The following AUTS2 variants were observed in gnomAD, a reference collection of about 807,000 sequenced individuals.
The protein encoded by AUTS2 is activator of transcription and developmental regulator AUTS2.
AUTS2 carries 17 observed loss-of-function variants against 112.4 expected under a neutral mutation model. The observed-to-expected ratio is 0.15, with a 90% CI of 0.10 to 0.23. The LOEUF is 0.23. Ranked by LOEUF, AUTS2 falls within the 10% of genes least tolerant of loss-of-function variation. The probability of loss-of-function intolerance (pLI) is 1.00; values close to 1 mark genes in which losing one functional copy is unlikely to be tolerated. For missense variants in AUTS2, 1,510 were observed against 1,701.6 expected, an observed-to-expected ratio of 0.89 and a Z score of 1.98; for synonymous variants, 751 against 702.7, an observed-to-expected ratio of 1.07 and a Z score of -1.09.
chr7:69,872,752 C>G (rs1793554502), intron 1 of AUTS2, among the ~76,000 whole-genome samples: 1 of 150,458 alleles, frequency 6.6e-6, no homozygotes, highest in South Asian at 2.1e-4. Flanking sequence ...ATTAAAGTAG[C>G]AGGGAACCTT....
chr7:70,644,389 A>C (rs2129540870), intron 5 of AUTS2, among the ~76,000 whole-genome samples: 1 of 152,282 alleles, frequency 6.6e-6, no homozygotes, highest in East Asian at 1.9e-4. Context: ...AGGGAACTGC[A>C]CGTTCTTGTG....
chr7:70,439,458 G>C (rs1796031958), intron 5 of AUTS2, among the ~76,000 whole-genome samples: 2 of 148,926 alleles, frequency 1.3e-5, no homozygotes, highest in South Asian at 4.3e-4. Flanking sequence ...GGAATTGCTT[G>C]AACCCGGGAG....
At chr7:70,591,634 A>T (rs1051438128) in intron 5 of AUTS2, among the ~76,000 whole-genome samples, 8 of 152,086 alleles carry the variant, frequency 5.3e-5, no homozygotes, top group African/African-American at 1.9e-4. Context: ...CCTGACCTCA[A>T]GTGATTCTCC....
intron 1 of AUTS2, among the ~76,000 whole-genome samples, chr7:69,633,024 A>G (rs1794340134): frequency 6.6e-6 from 1 of 152,142 alleles, no homozygotes; most frequent in East Asian, 1.9e-4. Context: ...ATACAGTACA[A>G]TTTTATTACC....
At chr7:69,625,891 A>G (rs1187406919) in intron 1 of AUTS2, among the ~76,000 whole-genome samples, 1 of 152,046 alleles carries the variant, frequency 6.6e-6, no homozygotes, top group African/African-American at 2.4e-5. Flanking sequence ...CAGGGAAGGG[A>G]AAGGGAAGGA....
In AUTS2 at chr7:70,268,733, A is replaced by T. The variant is rs542341992; in HGVS notation, c.660+134162A>T. On this transcript the variant is annotated intron_variant, in intron 4 of 18. Transcript: ENST00000342771. ...AGCATAAGAAATTATCTTTGGGGTT[A>T]GTTTATTATTATTGCTATTATTATC... Among the ~76,000 whole-genome samples, 22 of 152,332 alleles carry T rather than the reference A, an allele frequency of 1.4e-4. 1 individual carries two copies. Among genetic ancestry groups the T allele is most frequent in the Non-Finnish European group, 2.9e-4 (20 of 68,020 alleles).
At chr7:70,760,276 A>AT (rs1789488269) in intron 6 of AUTS2, among the ~76,000 whole-genome samples, 1 of 152,220 alleles carries the variant, frequency 6.6e-6, no homozygotes, top group African/African-American at 2.4e-5. Flanking sequence ...AAGTGCTGGG[A>AT]TTACAGGCGT....
intron 6 of AUTS2, among the ~76,000 whole-genome samples, chr7:70,711,738 A>G (rs1037867969): frequency 6.6e-6 from 1 of 152,172 alleles, no homozygotes; most frequent in Non-Finnish European, 1.5e-5. Context: ...TCATTTCCAT[A>G]CAGGTGAACA....
At chr7:70,192,908 CTT>C (rs1174685221) in intron 4 of AUTS2, among the ~76,000 whole-genome samples, 2 of 152,144 alleles carry the variant, frequency 1.3e-5, no homozygotes, top group Non-Finnish European at 2.9e-5. Context: ...TTGTATCTTA[CTT>C]CTGTGTGAGT....
intron 5 of AUTS2, among the ~76,000 whole-genome samples, chr7:70,505,604 CTTAT>C (rs1563001401): frequency 6.6e-6 from 1 of 152,134 alleles, no homozygotes; most frequent in Non-Finnish European, 1.5e-5. Context: ...TTAAAAGAGG[CTTAT>C]AAGTTACTTA....
chr7:70,031,180 C>T (rs983494921), intron 2 of AUTS2, among the ~76,000 whole-genome samples: 6 of 152,028 alleles, frequency 3.9e-5, no homozygotes, highest in African/African-American at 1.2e-4. Flanking sequence ...GAGGGCCTTC[C>T]CCTTGGTTGT....
chr7:69,877,558 C>T (rs190717980), intron 1 of AUTS2, among the ~76,000 whole-genome samples: 89 of 152,146 alleles, frequency 5.8e-4, no homozygotes, highest in Admixed American at 7.2e-4. Flanking sequence ...TGAATGACCC[C>T]GTCACCCAGG....
chr7:70,770,777 A>G (rs781557705), intron 10 of AUTS2, among the ~76,000 whole-genome samples: 12 of 152,194 alleles, frequency 7.9e-5, no homozygotes, highest in Non-Finnish European at 1.6e-4. Flanking sequence ...AAAAACTCAG[A>G]CTTCATATGT....
intron 1 of AUTS2, among the ~76,000 whole-genome samples, chr7:69,800,995 A>G (rs756999151): frequency 9.2e-5 from 14 of 152,046 alleles, no homozygotes; most frequent in Non-Finnish European, 1.5e-5. Context: ...TTCCTGCTGT[A>G]TGCTTCTATG....
At chr7:69,683,596 A>C (rs1278475407) in intron 1 of AUTS2, among the ~76,000 whole-genome samples, 3 of 151,824 alleles carry the variant, frequency 2.0e-5, no homozygotes, top group African/African-American at 7.3e-5. Flanking sequence ...ACCCCCAAAA[A>C]CCCAAAACCA....
At chr7:69,969,393 A>C (rs1463052490) in intron 2 of AUTS2, among the ~76,000 whole-genome samples, 4 of 152,202 alleles carry the variant, frequency 2.6e-5, no homozygotes, top group Admixed American at 1.3e-4. Flanking sequence ...AAGCTAAGTA[A>C]TGTAAGGCTC....
chr7:70,743,425 C>T (rs999556915), intron 6 of AUTS2, among the ~76,000 whole-genome samples: 1 of 141,126 alleles, frequency 7.1e-6, no homozygotes, highest in Non-Finnish European at 1.5e-5. Context: ...GCCGAGATTG[C>T]GCCACTGTAC....
intron 1 of AUTS2, among the ~76,000 whole-genome samples, chr7:69,872,646 T>C (rs1793549315): frequency 6.6e-6 from 1 of 152,036 alleles, no homozygotes; most frequent in Non-Finnish European, 1.5e-5. Flanking sequence ...CCCTTTTTTT[T>C]TCTTGCATGT....
chr7:70,255,293 C>T (rs938789503), intron 4 of AUTS2, among the ~76,000 whole-genome samples: 3 of 151,802 alleles, frequency 2.0e-5, no homozygotes, highest in Non-Finnish European at 1.5e-5. Flanking sequence ...AGGCTGGTCT[C>T]GAACTCCTGA....
Sources: gnomAD v4.1 joint callset for allele counts (sites outside exome capture counted in the v4.1 genomes callset) on GRCh38, gnomAD v4.1.1 for gene constraint, MANE v1.5 for transcripts, NCBI Gene and HGNC (gene_info 2026-07-23, HGNC 2026-07-21) for gene names.